Variants in NPEPL1 observed in about 807,000 individuals in gnomAD.
NPEPL1 encodes probable aminopeptidase NPEPL1.
NPEPL1 carries 45 observed loss-of-function variants against 52.4 expected under a neutral mutation model. That is an observed-to-expected ratio of 0.86 (90% CI 0.68 to 1.10). NPEPL1 has a LOEUF of 1.10. Among genes scored for constraint, NPEPL1 ranks in the 50% least tolerant of loss-of-function variants. The pLI is 0.00. For missense variants in NPEPL1, 696 were observed against 710.9 expected, an observed-to-expected ratio of 0.98 and a Z score of 0.24; for synonymous variants, 360 against 314.7, an observed-to-expected ratio of 1.14 and a Z score of -1.52.
chr20:58,710,854 GACCTCA>G (rs2084821551), intron 7 of NPEPL1: 1 of 152,396 alleles, frequency 6.6e-6, no homozygotes, highest in Non-Finnish European at 1.5e-5. Context: ...CAGCCGTGCA[GACCTCA>G]GCACTGTTTG....
At chr20:58,695,034 G>C (rs1476168351) in intron 3 of NPEPL1, among the ~76,000 whole-genome samples, 1 of 141,966 alleles carries the variant, frequency 7.0e-6, no homozygotes, top group Non-Finnish European at 1.6e-5. Context: ...TGTGTGGTAT[G>C]TGTTGCTGTG....
At chr20:58,696,040 T>A (rs2084483980) in intron 3 of NPEPL1, among the ~76,000 whole-genome samples, 1 of 152,106 alleles carries the variant, frequency 6.6e-6, no homozygotes, top group Non-Finnish European at 1.5e-5. Flanking sequence ...ATCTGCCTCT[T>A]CTCTCTGTCT....
intron 11 of NPEPL1, chr20:58,714,916 A>T (rs1601142753): frequency 2.0e-5 from 12 of 611,634 alleles, no homozygotes; most frequent in South Asian, 1.6e-4. Context: ...ACCCATCCCC[A>T]CCCTGAGGAG....
Position 58,714,025 on chromosome 20 carries a change from G to A in NPEPL1, c.1234G>A (p.Val412Ile). ...RKCGDLVHPL[V>I]YCPELHFSEF... ...GTGTGGGGACCTGGTGCACCCGCTG[G>A]TCTACTGCCCCGAGCTGCACTTCAG... The change falls in exon 10 of 12, where the codon GTC becomes ATC. Residue 412 changes from valine to isoleucine, a missense_variant. By Grantham distance (29) the Val-to-Ile change is conservative. Coordinates refer to ENST00000356091, the MANE Select transcript of NPEPL1 (RefSeq NM_024663.4). 2 of 1,531,642 alleles carry A rather than the reference G, an allele frequency of 1.3e-6. No homozygotes were observed. The highest frequency in any genetic ancestry group is 1.8e-6 in the Non-Finnish European group (2 of 1,141,782). 94.9% of individuals were successfully genotyped at this position (1,531,642 alleles called of 1,614,324 possible).
In NPEPL1 at chr20:58,702,410, C is replaced by T. The variant is rs532792903; in HGVS notation, c.822+1252C>T. Among the ~76,000 whole-genome samples, 9 of 152,306 alleles carry T rather than the reference C, an allele frequency of 5.9e-5. No homozygotes were observed. The South Asian group carries it at 8.3e-4, about 14-fold the overall frequency. ...TCAGGGTGGCGCTGGTGCAGCTCGCCGCGCTCTCTAGCACGCCTAGTTTAT... is the reference window on the plus strand; with the variant it reads ...TCAGGGTGGCGCTGGTGCAGCTCGCTGCGCTCTCTAGCACGCCTAGTTTAT... On this transcript the variant is annotated intron_variant, in intron 6 of 11. Coordinates refer to ENST00000356091, the MANE Select transcript of NPEPL1 (RefSeq NM_024663.4).
intron 3 of NPEPL1, among the ~76,000 whole-genome samples, chr20:58,695,365 A>C (rs1433958273): frequency 1.4e-3 from 1 of 734 alleles, no homozygotes; most frequent in Non-Finnish European, 4.9e-3. Context: ...CACCCTTTAC[A>C]GGGAGCACTT....
intron 8 of NPEPL1, 174 bp downstream of exon 8, chr20:58,712,753 C>T (rs2084878464): frequency 2.9e-6 from 2 of 690,986 alleles, no homozygotes; most frequent in Non-Finnish European, 5.3e-6. Context: ...AGGCGCACCT[C>T]ACGTTGAGGG....
chr20:58,694,641 G>T (rs1379099543), intron 3 of NPEPL1, 49 bp downstream of exon 3: 1 of 1,545,206 alleles, frequency 6.5e-7, no homozygotes, highest in African/African-American at 1.4e-5. Flanking sequence ...GGCAAGATCG[G>T]GCAGGTGGGA....
At chr20:58,712,750 C>T (rs2084878402) in intron 8 of NPEPL1, 171 bp downstream of exon 8, 4 of 692,978 alleles carry the variant, frequency 5.8e-6, no homozygotes, top group Non-Finnish European at 1.1e-5. Context: ...AGCAGGCGCA[C>T]CTCACGTTGA....
intron 11 of NPEPL1, 45 bp downstream of exon 11, chr20:58,714,715 T>C: frequency 6.9e-7 from 1 of 1,449,444 alleles, no homozygotes; most frequent in South Asian, 1.2e-5. Context: ...TCCCGCCCGC[T>C]TGTCCAAACA....
Position 58,693,713 on chromosome 20 carries a change from TCTTGTCTCTCCCTTCTGATCTAG to T in NPEPL1, c.151-21_152del. 1 of 1,583,456 alleles carries T rather than the reference TCTTGTCTCTCCCTTCTGATCTAG, an allele frequency of 6.3e-7. No homozygotes were observed. The highest frequency in any genetic ancestry group is 1.3e-5 in the African/African-American group (1 of 74,440). On this transcript the variant is annotated splice_acceptor_variant and splice_polypyrimidine_tract_variant and intron_variant, in intron 1 of 11. Transcript: ENST00000356091. LOFTEE classifies it high-confidence loss of function. ...GTGGCCGCTGTTTGAAGCCTCTGTG[TCTTGTCTCTCCCTTCTGATCTAG>T]CTCTGGCAGGCTGCCCTGAGCACGC...
chr20:58,713,940 C>T lies in NPEPL1; in HGVS notation c.1149C>T (p.His383=), dbSNP rs369425965. The T allele has an allele frequency of 7.5e-5, 112 of 1,501,854 alleles. No homozygotes were observed. Among genetic ancestry groups the T allele is most frequent in the Middle Eastern group, 4.1e-4 (2 of 4,842 alleles). 93.0% of individuals were successfully genotyped at this position (1,501,854 alleles called of 1,614,324 possible). The change falls in exon 10 of 12, where the codon CAC becomes CAT. Residue 383 remains histidine (H), a synonymous_variant. Transcript: ENST00000356091. The surrounding 1 kb of genome is among the most constrained non-coding windows in gnomAD (Gnocchi z 4.6). ...GAQGIATGKY[H]AAVLTNSAEW... is the part of the protein sequence containing the mutation. The stretch of plus-strand genomic sequence containing the variant: ...AGGGCATTGCCACAGGGAAGTACCA[C>T]GCCGCGGTGCTCACCAACAGCGCTG...
At chr20:58,702,902 G>T (rs1289666672) in intron 6 of NPEPL1, among the ~76,000 whole-genome samples, 1 of 152,230 alleles carries the variant, frequency 6.6e-6, no homozygotes, top group Non-Finnish European at 1.5e-5. Flanking sequence ...GTTCTTCAGG[G>T]TGGATTCTTG....
chr20:58,711,943 G>A (rs2084853810), intron 7 of NPEPL1, among the ~76,000 whole-genome samples: 2 of 119,978 alleles, frequency 1.7e-5, no homozygotes, highest in South Asian at 2.8e-4. Context: ...CCCGGGTGTG[G>A]CCCGCTTCGG....
chr20:58,714,228 GA>G, intron 10 of NPEPL1, 135 bp downstream of exon 10: 1 of 974,484 alleles, frequency 1.0e-6, no homozygotes, highest in Non-Finnish European at 1.5e-6. Context: ...GAGGGCTTGA[GA>G]GGCAGGCGTC....
chr20:58,713,392 C>T lies in NPEPL1; in HGVS notation c.1002-28C>T. 1.3e-6 allele frequency: 2 copies of T among 1,571,374 alleles called. No homozygotes were observed. Among genetic ancestry groups the T allele is most frequent in the East Asian group, 4.6e-5 (2 of 43,274 alleles). ...GCCAGTGTCCCAGGAAATCCCGTCC[C>T]TGAGCGGGGATCTCTACCATGCCCC... is the stretch of plus-strand genomic sequence containing the variant. On this transcript the variant is annotated intron_variant, in intron 8 of 11. Transcript: ENST00000356091. The surrounding 1 kb of genome is among the most constrained non-coding windows in gnomAD (Gnocchi z 4.6).
At chr20:58,714,733 T>A in intron 11 of NPEPL1, 63 bp downstream of exon 11, 2 of 1,297,332 alleles carry the variant, frequency 1.5e-6, no homozygotes, top group Non-Finnish European at 2.1e-6. Context: ...ACAGCGCCCC[T>A]CTGGCTCTGG....
intron 7 of NPEPL1, among the ~76,000 whole-genome samples, chr20:58,707,475 A>G (rs2084760206): frequency 6.6e-6 from 1 of 152,248 alleles, no homozygotes; most frequent in Admixed American, 6.5e-5. Flanking sequence ...GGTTGGCTCA[A>G]TGAGGAAGCC....
At chr20:58,698,008 T>G (rs1232474620) in intron 3 of NPEPL1, among the ~76,000 whole-genome samples, 4 of 152,170 alleles carry the variant, frequency 2.6e-5, no homozygotes, top group Non-Finnish European at 5.9e-5. Flanking sequence ...GTCCTTCCCC[T>G]CCGTGCCCAG....
Sources: gnomAD v4.1 joint callset for allele counts (sites outside exome capture counted in the v4.1 genomes callset) on GRCh38, gnomAD v4.1.1 for gene constraint, Gnocchi (gnomAD v3.1) non-coding constraint, MANE v1.5 for transcripts, NCBI Gene and HGNC (gene_info 2026-07-23, HGNC 2026-07-21) for gene names.